Variants in HSD17B4 observed in about 807,000 individuals in gnomAD.
HSD17B4 encodes hydroxysteroid 17-beta dehydrogenase 4.
In HSD17B4, 70 loss-of-function variants were observed where a neutral mutation model predicts 101.0. That is an observed-to-expected ratio of 0.69 (90% confidence interval 0.57 to 0.85). The LOEUF is 0.85. HSD17B4 is among the 40% of genes least tolerant of loss of function. The pLI is 0.00. For missense variants in HSD17B4, 984 were observed against 892.4 expected (o/e 1.10, Z -1.31); for synonymous variants, 347 against 297.1 (o/e 1.17, Z -1.73).
intron 21 of HSD17B4, 196 bp downstream of exon 21, chr5:119,530,176 GT>G (rs1753943626): frequency 3.5e-6 from 2 of 578,496 alleles, no homozygotes; most frequent in African/African-American, 1.9e-5. Context: ...TAAAAAACTC[GT>G]TTTGCAGGAT....
chr5:119,497,409 T>G (rs1750747707), intron 12 of HSD17B4, among the ~76,000 whole-genome samples: 1 of 152,194 alleles, frequency 6.6e-6, no homozygotes, highest in Non-Finnish European at 1.5e-5. Context: ...GCCTGGACTG[T>G]CTGTCTTCCA....
At chr5:119,522,555 G>A (rs1753214296) in intron 17 of HSD17B4, among the ~76,000 whole-genome samples, 1 of 152,250 alleles carries the variant, frequency 6.6e-6, no homozygotes, top group African/African-American at 2.4e-5. Context: ...ATTTACCTCT[G>A]TGCGTTTTGT....
In HSD17B4 at chr5:119,537,550, A is replaced by G. The variant is rs146727219; in HGVS notation, c.2121+1000A>G. On this transcript the variant is annotated intron_variant, in intron 23 of 23. Transcript: ENST00000510025. ...ATTGGCTGAATTAAGACAAAACCCTACTGTATGGAGCTTCTTTTAGTGTAC... is the reference window on the plus strand; with the variant it reads ...ATTGGCTGAATTAAGACAAAACCCTGCTGTATGGAGCTTCTTTTAGTGTAC... 6.6e-4 allele frequency among the ~76,000 whole-genome samples: 100 copies of G among 152,266 alleles called. 1 individual carries two copies. Among genetic ancestry groups the G allele is most frequent in the African/African-American group, 2.4e-3 (99 of 41,564 alleles).
chr5:119,480,078 C>G (rs906551729), intron 8 of HSD17B4, among the ~76,000 whole-genome samples: 1 of 152,014 alleles, frequency 6.6e-6, no homozygotes, highest in Non-Finnish European at 1.5e-5. Context: ...TTTGCACTTA[C>G]CTAGTGACAT....
At chr5:119,471,569 A>C in intron 2 of HSD17B4, 1 of 630,990 alleles carries the variant, frequency 1.6e-6, no homozygotes, top group Non-Finnish European at 2.4e-6. Context: ...TGTGTTAATC[A>C]TAACTATTAC....
intron 17 of HSD17B4, among the ~76,000 whole-genome samples, chr5:119,524,801 C>A (rs1753427244): frequency 6.6e-6 from 1 of 152,138 alleles, no homozygotes; most frequent in Admixed American, 6.6e-5. Flanking sequence ...GTTTCTATGT[C>A]CGATATTGTC....
Position 119,475,571 on chromosome 5 carries a change from T to G in HSD17B4, c.281-135T>G, listed in dbSNP as rs990801649. The G allele has an allele frequency of 2.4e-5, 17 of 700,092 alleles. No individual in the cohort carries two copies. The African/African-American group carries it at 2.9e-4, about 12-fold the overall frequency. The allele number at this position is 700,092 out of a possible 1,614,324, so 43.4% of individuals were successfully genotyped here. A position where few individuals can be genotyped will look rare whatever the true frequency, so the allele number is the denominator to read the frequency against. On this transcript the variant is annotated intron_variant, in intron 4 of 23. Transcript: ENST00000510025. ...TTGATATAGGTATAGACTTTTGTTT[T>G]GAAAGCACTCTTTACCTATTATATT... is the stretch of plus-strand genomic sequence containing the variant.
At chr5:119,516,520 A>G (rs1752625884) in intron 17 of HSD17B4, among the ~76,000 whole-genome samples, 1 of 152,132 alleles carries the variant, frequency 6.6e-6, no homozygotes, top group Non-Finnish European at 1.5e-5. Context: ...CTGCGTGACA[A>G]AAGACGGTTT....
chr5:119,529,011 A>T (rs1209256684), intron 20 of HSD17B4, among the ~76,000 whole-genome samples: 2 of 152,254 alleles, frequency 1.3e-5, no homozygotes, highest in East Asian at 3.9e-4. Flanking sequence ...AAAGTAATTT[A>T]CTGAAGTGCA....
chr5:119,452,873 C>A, intron 1 of HSD17B4: 1 of 1,534,656 alleles, frequency 6.5e-7, no homozygotes, highest in Non-Finnish European at 8.7e-7. Context: ...AAGGTCCTGC[C>A]TGAGAGGAGA....
At chr5:119,502,187 C>T (rs1751232504) in intron 14 of HSD17B4, 95 bp downstream of exon 14, 3 of 808,864 alleles carry the variant, frequency 3.7e-6, no homozygotes, top group Non-Finnish European at 6.5e-6. Context: ...TATAGAGTGA[C>T]CTAATGAAAC....
At chr5:119,477,137 G>A (rs577120201) in intron 6 of HSD17B4, among the ~76,000 whole-genome samples, 49 of 152,118 alleles carry the variant, frequency 3.2e-4, no homozygotes, top group Non-Finnish European at 4.4e-4. Context: ...TTTATATGAA[G>A]TAGGCATAAA....
At position 119,542,024 on chromosome 5, in the gene HSD17B4, A is replaced by G. The variant is rs1216436798; in HGVS notation, c.*30A>G. 7.2e-7 allele frequency: 1 copy of G among 1,383,218 alleles called. No homozygotes were observed. The highest frequency in any genetic ancestry group is 1.0e-6 in the Non-Finnish European group (1 of 971,156). 85.7% of individuals were successfully genotyped at this position (1,383,218 alleles called of 1,614,324 possible). A position where few individuals can be genotyped will look rare whatever the true frequency, so the allele number is the denominator to read the frequency against. On this transcript the variant is annotated 3_prime_UTR_variant, in exon 24 of 24. Coordinates refer to ENST00000510025, the MANE Select transcript of HSD17B4 (RefSeq NM_000414.4). The stretch of plus-strand genomic sequence containing the variant: ...CACACTACACTATTAATAAAAATGG[A>G]ATCATTAAATACTCTCTTCACCCAA...
chr5:119,539,626 A>G (rs919998944), intron 23 of HSD17B4, among the ~76,000 whole-genome samples: 3 of 152,146 alleles, frequency 2.0e-5, no homozygotes, highest in South Asian at 2.1e-4. Context: ...GTATGGAACA[A>G]TAATTAATGA....
At chr5:119,479,659 A>T (rs929665690) in intron 8 of HSD17B4, among the ~76,000 whole-genome samples, 27 of 152,144 alleles carry the variant, frequency 1.8e-4, no homozygotes, top group Non-Finnish European at 4.4e-5. Context: ...CTGAATTCTC[A>T]GGGATTGAAG....
chr5:119,509,089 T>G, intron 15 of HSD17B4, 52 bp from the exon 16 acceptor site: 1 of 971,012 alleles, frequency 1.0e-6, no homozygotes, highest in Non-Finnish European at 1.7e-6. Context: ...GGTTAACTAG[T>G]TATGCCTTTT....
chr5:119,458,140 C>G (rs1273855352), intron 2 of HSD17B4, among the ~76,000 whole-genome samples: 1 of 152,004 alleles, frequency 6.6e-6, no homozygotes, highest in East Asian at 1.9e-4. Context: ...TGATAAAAGT[C>G]CAAGAATATA....
At chr5:119,511,329 C>G (rs1479256655) in intron 16 of HSD17B4, among the ~76,000 whole-genome samples, 2 of 152,114 alleles carry the variant, frequency 1.3e-5, no homozygotes, top group Non-Finnish European at 2.9e-5. Context: ...TCCGTAACAG[C>G]AGGGAGCTAA....
chr5:119,465,711 A>G (rs1326999914), intron 2 of HSD17B4, among the ~76,000 whole-genome samples: 2 of 152,178 alleles, frequency 1.3e-5, no homozygotes, highest in African/African-American at 4.8e-5. Flanking sequence ...TATCAGTTCT[A>G]AGAGTTTTTT....
Sources: gnomAD v4.1 joint callset for allele counts (sites outside exome capture counted in the v4.1 genomes callset) on GRCh38, gnomAD v4.1.1 for gene constraint, MANE v1.5 for transcripts, NCBI Gene and HGNC (gene_info 2026-07-23, HGNC 2026-07-21) for gene names.